GRAP2: variants seen among roughly 807,000 people sequenced by gnomAD.
The protein encoded by GRAP2 is GRB2-related adapter protein 2.
GRAP2 carries 31 observed loss-of-function variants against 43.5 expected under a neutral mutation model. That is an observed-to-expected ratio of 0.71 (90% CI 0.54 to 0.96). The LOEUF (loss-of-function observed/expected upper bound fraction) is 0.96. Ranked by LOEUF, GRAP2 falls within the 40% of genes least tolerant of loss-of-function variation. The pLI is 0.00. For synonymous variants in GRAP2, 156 were observed against 164.8 expected, an observed-to-expected ratio of 0.95 and a Z score of 0.41; for missense variants, 371 against 424.4, an observed-to-expected ratio of 0.87 and a Z score of 1.11.
intron 4 of GRAP2, among the ~76,000 whole-genome samples, chr22:39,963,588 C>T (rs992975614): frequency 6.6e-6 from 1 of 152,094 alleles, no homozygotes; most frequent in Non-Finnish European, 1.5e-5. Flanking sequence ...GATTACCACC[C>T]GAAATCAGTC....
rs1326170620 is a variant in GRAP2 at position 39,971,239 on chromosome 22, G to A, written c.*155G>A. On this transcript the variant is annotated 3_prime_UTR_variant, in exon 8 of 8. Coordinates refer to ENST00000344138, the MANE Select transcript of GRAP2 (RefSeq NM_004810.4). ...TATACTAGTAATTTATTGGCAATTG[G>A]GCTGGTAATTAGTTGATGCAAAAGG... The A allele has an allele frequency of 2.4e-5, 14 of 581,514 alleles. No homozygotes were observed. The highest frequency in any genetic ancestry group is 3.9e-5 in the African/African-American group (2 of 51,384). 36.0% of individuals were successfully genotyped at this position (581,514 alleles called of 1,614,324 possible).
intron 3 of GRAP2, among the ~76,000 whole-genome samples, chr22:39,958,863 G>A (rs1167163731): frequency 1.3e-5 from 2 of 152,214 alleles, no homozygotes; most frequent in East Asian, 3.9e-4. Context: ...GAATCTCCAG[G>A]CCACCAGAAA....
intron 1 of GRAP2, among the ~76,000 whole-genome samples, chr22:39,909,376 A>G (rs1030740486): frequency 6.6e-6 from 1 of 152,194 alleles, no homozygotes; most frequent in Non-Finnish European, 1.5e-5. Context: ...CACAACTTCC[A>G]TTTTTAAATG....
chr22:39,928,158 T>C (rs2066723580), intron 1 of GRAP2, among the ~76,000 whole-genome samples: 1 of 152,254 alleles, frequency 6.6e-6, no homozygotes, highest in Non-Finnish European at 1.5e-5. Context: ...TTCCAAATCT[T>C]AATGGATGAA....
chr22:39,958,545 T>TTGAA (rs137999), intron 3 of GRAP2, among the ~76,000 whole-genome samples: 43,191 of 151,298 alleles, frequency 0.29, 6,608 homozygotes, highest in South Asian at 0.44. Context: ...AGTAAAGCTG[T>TTGAA]TGAATGAATG....
At chr22:39,905,537 T>A (rs989300163) in intron 1 of GRAP2, among the ~76,000 whole-genome samples, 1 of 152,190 alleles carries the variant, frequency 6.6e-6, no homozygotes, top group African/African-American at 2.4e-5. Flanking sequence ...ATGGTGCCTA[T>A]CTCGTGGGAT....
intron 1 of GRAP2, among the ~76,000 whole-genome samples, chr22:39,907,777 A>G (rs1390428270): frequency 6.6e-6 from 1 of 152,168 alleles, no homozygotes. Context: ...AGTTGCCATT[A>G]TCTTGTTTGA....
chr22:39,937,630 G>A (rs2145617927), intron 1 of GRAP2, among the ~76,000 whole-genome samples: 1 of 152,330 alleles, frequency 6.6e-6, no homozygotes, highest in East Asian at 1.9e-4. Context: ...AAGAGACATT[G>A]AGCATTGGAA....
At chr22:39,923,335 A>G (rs2066670393) in intron 1 of GRAP2, among the ~76,000 whole-genome samples, 1 of 152,238 alleles carries the variant, frequency 6.6e-6, no homozygotes, top group Admixed American at 6.5e-5. Flanking sequence ...ATTTCTTACT[A>G]GCTATTCTTT....
At position 39,969,536 on chromosome 22, in the gene GRAP2, A is replaced by G. The variant is rs779845830; in HGVS notation, c.813+3A>G. 6.2e-7 allele frequency: 1 copy of G among 1,613,598 alleles called. No homozygotes were observed. The highest frequency in any genetic ancestry group is 1.1e-5 in the South Asian group (1 of 91,078). On this transcript the variant is annotated splice_donor_region_variant and intron_variant, in intron 7 of 7. Transcript: ENST00000344138. Reference sequence around the variant, plus strand: ...CAGTGCAGCTCCAGGCGGCAGGGGTATGGGAACTGTCCTTCTCTGGGATCC... The same window carrying G: ...CAGTGCAGCTCCAGGCGGCAGGGGTGTGGGAACTGTCCTTCTCTGGGATCC...
chr22:39,902,007 A>G (rs2066496632), intron 1 of GRAP2, among the ~76,000 whole-genome samples: 1 of 152,210 alleles, frequency 6.6e-6, no homozygotes, highest in African/African-American at 2.4e-5. Flanking sequence ...AGGTTTCACT[A>G]ATTTAAAATG....
At chr22:39,929,653 A>G (rs1377065688) in intron 1 of GRAP2, among the ~76,000 whole-genome samples, 1 of 152,134 alleles carries the variant, frequency 6.6e-6, no homozygotes, top group Non-Finnish European at 1.5e-5. Context: ...GCTGTCTCCA[A>G]AGGTTCAGTC....
At position 39,971,058 on chromosome 22, in the gene GRAP2, A is replaced by G; in HGVS notation, c.967A>G (p.Asn323Asp). 3 of 1,613,760 alleles carry G rather than the reference A, an allele frequency of 1.9e-6. No homozygotes were observed. Among genetic ancestry groups the G allele is most frequent in the Non-Finnish European group, 2.5e-6 (3 of 1,179,872 alleles). The change falls in exon 8 of 8, where the codon AAC becomes GAC. Residue 323 changes from asparagine to aspartate, a missense_variant. Coordinates refer to ENST00000344138, the MANE Select transcript of GRAP2 (RefSeq NM_004810.4). ...CAACAAGCTGGGCCTCTTCCCTGCC[A>G]ACTACGTGGCACCCATGACCCGATA... ...LHNKLGLFPA[N>D]YVAPMTR
intron 1 of GRAP2, among the ~76,000 whole-genome samples, chr22:39,903,035 A>G (rs1052358452): frequency 6.6e-6 from 1 of 152,210 alleles, no homozygotes; most frequent in Non-Finnish European, 1.5e-5. Context: ...ATTCCCAGAT[A>G]ATAACACCCA....
intron 1 of GRAP2, among the ~76,000 whole-genome samples, chr22:39,911,817 C>T (rs182649351): frequency 5.9e-5 from 9 of 152,304 alleles, no homozygotes; most frequent in Admixed American, 2.0e-4. Flanking sequence ...CCAGCAGCAA[C>T]GGCACCGCCG....
intron 1 of GRAP2, among the ~76,000 whole-genome samples, chr22:39,903,687 G>T (rs1196163123): frequency 1.3e-5 from 2 of 152,006 alleles, no homozygotes; most frequent in Non-Finnish European, 2.9e-5. Context: ...ATGTTTCCCA[G>T]GCTGGTCTTG....
chr22:39,912,778 C>T (rs1214173521), intron 1 of GRAP2, among the ~76,000 whole-genome samples: 2 of 152,018 alleles, frequency 1.3e-5, no homozygotes, highest in Non-Finnish European at 2.9e-5. Flanking sequence ...CAGCAGTGGC[C>T]GGAGTGATGG....
At chr22:39,906,684 G>A (rs911274328) in intron 1 of GRAP2, among the ~76,000 whole-genome samples, 9 of 151,958 alleles carry the variant, frequency 5.9e-5, no homozygotes, top group East Asian at 5.8e-4. Flanking sequence ...ATACTTCTTC[G>A]TTTGTTTTTC....
intron 1 of GRAP2, among the ~76,000 whole-genome samples, chr22:39,929,370 TG>T (rs1271316015): frequency 6.6e-6 from 1 of 152,236 alleles, no homozygotes; most frequent in Non-Finnish European, 1.5e-5. Flanking sequence ...ATTTACATTT[TG>T]TTTGCCTCTT....
Sources: gnomAD v4.1 joint callset for allele counts (sites outside exome capture counted in the v4.1 genomes callset) on GRCh38, gnomAD v4.1.1 for gene constraint, MANE v1.5 for transcripts, NCBI Gene and HGNC (gene_info 2026-07-23, HGNC 2026-07-21) for gene names.